Variants in CDH13 observed in about 807,000 individuals in gnomAD.
CDH13 encodes cadherin 13.
A neutral mutation model predicts 63.8 loss-of-function variants in CDH13; 24 were observed. That is an observed-to-expected ratio of 0.38 (90% CI 0.27 to 0.53). The LOEUF (loss-of-function observed/expected upper bound fraction) is 0.53. Ranked by LOEUF, CDH13 falls within the 20% of genes least tolerant of loss-of-function variation. The pLI is 0.85. For missense variants in CDH13, 1,049 were observed against 903.1 expected, an observed-to-expected ratio of 1.16 and a Z score of -2.07; for synonymous variants, 503 against 355.3, an observed-to-expected ratio of 1.42 and a Z score of -4.67.
At chr16:83,717,545 A>G (rs1909103734) in intron 10 of CDH13, among the ~76,000 whole-genome samples, 1 of 152,252 alleles carries the variant, frequency 6.6e-6, no homozygotes, top group East Asian at 1.9e-4. Flanking sequence ...AGGTAGTGAC[A>G]TGAAATGGGC....
In CDH13 at chr16:83,019,857, A is replaced by AAAAG. The variant is rs1567750762; in HGVS notation, c.158-12153_158-12152insAAAG. On this transcript the variant is annotated intron_variant, in intron 2 of 13. Coordinates refer to ENST00000567109, the MANE Select transcript of CDH13 (RefSeq NM_001257.5). ...ACTCTAAAAAAAAAAAAAAAAAACA[A>AAAAG]TAAAAACGATAGTATATTAAATATA... Among the ~76,000 whole-genome samples, 4 of 147,908 alleles carry AAAAG rather than the reference A, an allele frequency of 2.7e-5. 1 individual carries two copies. Among genetic ancestry groups the AAAAG allele is most frequent in the African/African-American group, 1.0e-4 (4 of 39,720 alleles).
At chr16:83,791,927 C>T (rs1464397926) in intron 13 of CDH13, among the ~76,000 whole-genome samples, 1 of 151,686 alleles carries the variant, frequency 6.6e-6, no homozygotes, top group East Asian at 1.9e-4. Context: ...TGCAAGTGTA[C>T]AGTTTGATGC....
chr16:83,589,968 G>A (rs1906573457), intron 7 of CDH13, among the ~76,000 whole-genome samples: 1 of 152,060 alleles, frequency 6.6e-6, no homozygotes, highest in South Asian at 2.1e-4. Flanking sequence ...TGCAGGGAGG[G>A]CAGAGGGTAC....
At chr16:82,873,568 T>C (rs1266183008) in intron 2 of CDH13, among the ~76,000 whole-genome samples, 3 of 152,196 alleles carry the variant, frequency 2.0e-5, no homozygotes, top group Admixed American at 6.5e-5. Context: ...GTGGTGTTTT[T>C]AAGCTACCCA....
At chr16:83,102,630 G>T (rs7193877) in intron 3 of CDH13, among the ~76,000 whole-genome samples, 2 of 151,892 alleles carry the variant, frequency 1.3e-5, no homozygotes, top group Non-Finnish European at 2.9e-5. Context: ...CGTTTCAACA[G>T]GACCGCTCTG....
At chr16:83,393,768 T>C (rs1162498937) in intron 6 of CDH13, among the ~76,000 whole-genome samples, 1 of 152,202 alleles carries the variant, frequency 6.6e-6, no homozygotes, top group Admixed American at 6.5e-5. Context: ...CATTCATTCA[T>C]TTAACAAGCA....
chr16:82,768,529 C>G lies in CDH13; in HGVS notation c.46-89833C>G, dbSNP rs139722523. Among the ~76,000 whole-genome samples, 598 of 152,310 alleles carry G rather than the reference C, an allele frequency of 3.9e-3. 5 individuals carry two copies. Among genetic ancestry groups the G allele is most frequent in the African/African-American group, 0.012 (515 of 41,572 alleles). On this transcript the variant is annotated intron_variant, in intron 1 of 13. Transcript: ENST00000567109. Reference sequence around the variant, plus strand: ...ATGGTAGATTCCAGCTATTAATCCTCATGGTATAAGGTGCTTTTTATATCT... The same window carrying G: ...ATGGTAGATTCCAGCTATTAATCCTGATGGTATAAGGTGCTTTTTATATCT...
intron 1 of CDH13, among the ~76,000 whole-genome samples, chr16:82,746,082 GTCTT>G (rs2034150780): frequency 1.3e-5 from 2 of 151,704 alleles, no homozygotes; most frequent in African/African-American, 4.8e-5. Context: ...ATCTATCTAT[GTCTT>G]TCTATTTCTC....
At chr16:83,240,260 A>C (rs1332664730) in intron 5 of CDH13, among the ~76,000 whole-genome samples, 1 of 152,114 alleles carries the variant, frequency 6.6e-6, no homozygotes, top group African/African-American at 2.4e-5. Context: ...TAGCATGTGT[A>C]GGGAACGTAG....
chr16:83,422,728 G>A (rs2071754420), intron 6 of CDH13, among the ~76,000 whole-genome samples: 1 of 152,100 alleles, frequency 6.6e-6, no homozygotes, highest in African/African-American at 2.4e-5. Flanking sequence ...TTGCTTGCAT[G>A]ACCTCTCATT....
At chr16:83,084,761 A>G (rs1004582026) in intron 3 of CDH13, among the ~76,000 whole-genome samples, 1 of 152,042 alleles carries the variant, frequency 6.6e-6, no homozygotes, top group African/African-American at 2.4e-5. Context: ...TGGTGGCAGC[A>G]CCTGTAATCC....
At chr16:83,256,315 G>A (rs1906250955) in intron 5 of CDH13, among the ~76,000 whole-genome samples, 1 of 152,104 alleles carries the variant, frequency 6.6e-6, no homozygotes, top group Non-Finnish European at 1.5e-5. Context: ...TTACGAGCAT[G>A]TACCACTACA....
At chr16:83,154,504 T>C (rs1267514309) in intron 4 of CDH13, among the ~76,000 whole-genome samples, 2 of 151,392 alleles carry the variant, frequency 1.3e-5, no homozygotes, top group African/African-American at 2.4e-5. Context: ...GAGGCAGAGG[T>C]TGCAGTGAGC....
intron 1 of CDH13, among the ~76,000 whole-genome samples, chr16:82,719,094 T>C (rs887010254): frequency 3.9e-4 from 59 of 152,196 alleles, no homozygotes; most frequent in African/African-American, 1.4e-3. Context: ...AGCTATGCCA[T>C]GTGAAAGTTA....
chr16:83,072,436 G>A (rs966023912), intron 3 of CDH13, among the ~76,000 whole-genome samples: 3 of 152,134 alleles, frequency 2.0e-5, no homozygotes, highest in African/African-American at 7.2e-5. Context: ...TTTTCCTGGA[G>A]GATTCTAACT....
intron 1 of CDH13, among the ~76,000 whole-genome samples, chr16:82,764,054 G>A (rs557956634): frequency 2.0e-5 from 3 of 152,194 alleles, no homozygotes; most frequent in East Asian, 3.8e-4. Context: ...TTTAGTATGC[G>A]CTAATGCATC....
chr16:82,842,112 G>C (rs12933953), intron 1 of CDH13, among the ~76,000 whole-genome samples: 1 of 58,960 alleles, frequency 1.7e-5, no homozygotes, highest in Non-Finnish European at 3.4e-5. Context: ...ATATATATAT[G>C]TATATATATA....
At chr16:83,095,975 T>G (rs1025286217) in intron 3 of CDH13, among the ~76,000 whole-genome samples, 7 of 152,176 alleles carry the variant, frequency 4.6e-5, no homozygotes, top group Admixed American at 4.6e-4. Context: ...TTTTTAGCAA[T>G]TTTTTAAAGG....
intron 1 of CDH13, among the ~76,000 whole-genome samples, chr16:82,653,017 G>T (rs575698814): frequency 6.6e-6 from 1 of 152,194 alleles, no homozygotes. Context: ...AAGGTAGTCC[G>T]TGACCCCAGG....
Sources: gnomAD v4.1 joint callset for allele counts (sites outside exome capture counted in the v4.1 genomes callset) on GRCh38, gnomAD v4.1.1 for gene constraint, MANE v1.5 for transcripts, NCBI Gene and HGNC (gene_info 2026-07-23, HGNC 2026-07-21) for gene names.